The following ZRANB2 variants were observed in gnomAD, a reference collection of about 807,000 sequenced individuals.
ZRANB2 encodes zinc finger Ran-binding domain-containing protein 2.
ZRANB2 carries 19 observed loss-of-function variants against 53.4 expected under a neutral mutation model. The observed-to-expected ratio is 0.36, with a 90% CI of 0.25 to 0.52. ZRANB2 has a LOEUF of 0.52. ZRANB2 is among the 20% of genes least tolerant of loss of function. ZRANB2 has a pLI of 0.93. For synonymous variants in ZRANB2, 145 were observed against 134.8 expected (o/e 1.08, Z -0.52); for missense variants, 309 against 401.1 (o/e 0.77, Z 1.96).
chr1:71,080,737 G>A (rs915132518), intron 1 of ZRANB2, among the ~76,000 whole-genome samples: 1 of 152,194 alleles, frequency 6.6e-6, no homozygotes. Flanking sequence ...AGGAAACGCT[G>A]AAGACATATC....
chr1:71,079,163 T>G (rs1027282961), intron 1 of ZRANB2, among the ~76,000 whole-genome samples: 3 of 151,052 alleles, frequency 2.0e-5, no homozygotes, highest in African/African-American at 5.0e-5. Context: ...ATGCAGTAGG[T>G]AGGATGCTAA....
chr1:71,069,304 G>C lies in ZRANB2; in HGVS notation c.742C>G (p.Arg248Gly). 6.2e-7 allele frequency: 1 copy of C among 1,612,344 alleles called. No individual in the cohort carries two copies. The change falls in exon 8 of 10, where the codon CGT becomes GGT. Residue 248 changes from arginine to glycine, a missense_variant. Physicochemically the swap from Arg to Gly is moderately radical, Grantham distance 125. Transcript: ENST00000370920. ...GATTTCGACCCACGAGATCTCGAAC[G>C]TTCTCTGGAACTGGAACGAGATCTT... is the stretch of plus-strand genomic sequence containing the variant. ...QSRSRSSSRE[R>G]SRSRGSKSRS... is the part of the protein sequence containing the mutation.
At chr1:71,078,862 T>TG (rs1661770050) in intron 1 of ZRANB2, among the ~76,000 whole-genome samples, 154 bp from the exon 2 acceptor site, 1 of 152,188 alleles carries the variant, frequency 6.6e-6, no homozygotes, top group African/African-American at 2.4e-5. Context: ...CACAATTTAC[T>TG]GGGGGAAAAA....
intron 9 of ZRANB2, among the ~76,000 whole-genome samples, chr1:71,065,404 A>G (rs936622965): frequency 1.3e-5 from 2 of 152,098 alleles, no homozygotes; most frequent in African/African-American, 4.8e-5. Flanking sequence ...ATTATTTAAG[A>G]TATCAAAGAA....
chr1:71,075,040 A>G (rs756979427), intron 4 of ZRANB2, among the ~76,000 whole-genome samples: 1 of 152,234 alleles, frequency 6.6e-6, no homozygotes. Flanking sequence ...CTGTTAAACT[A>G]TAGTTCTTGT....
chr1:71,074,203 T>C (rs1661657122), intron 4 of ZRANB2, among the ~76,000 whole-genome samples: 1 of 152,078 alleles, frequency 6.6e-6, no homozygotes, highest in African/African-American at 2.4e-5. Context: ...CTCACCTAGG[T>C]ATCCCCAGCA....
rs903610604 is a variant in ZRANB2, at chr1:71,063,440, T to C, written c.*1634A>G. ...CCAAATGAAATCATAATCATCAGAATTGTCTGTAAACTACTATTAGCTAAA... is the reference window on the plus strand; with the variant it reads ...CCAAATGAAATCATAATCATCAGAACTGTCTGTAAACTACTATTAGCTAAA... On this transcript the variant is annotated 3_prime_UTR_variant, in exon 10 of 10. Coordinates refer to ENST00000370920, the MANE Select transcript of ZRANB2 (RefSeq NM_203350.3). 1.3e-5 allele frequency: 2 copies of C among 152,444 alleles called. No individual in the cohort carries two copies. The highest frequency in any genetic ancestry group is 1.9e-4 in the East Asian group (1 of 5,196). The allele number at this position is 152,444 out of a possible 1,614,324, so 9.4% of individuals were successfully genotyped here.
At chr1:71,069,910 C>A (rs1661558558) in intron 7 of ZRANB2, among the ~76,000 whole-genome samples, 1 of 152,048 alleles carries the variant, frequency 6.6e-6, no homozygotes, top group African/African-American at 2.4e-5. Context: ...ACAAGGGAGA[C>A]ATGGTTCGTA....
chr1:71,071,146 ACT>A, intron 6 of ZRANB2, 150 bp from the exon 7 acceptor site: 1 of 637,214 alleles, frequency 1.6e-6, no homozygotes, highest in South Asian at 4.1e-5. Context: ...CACCTACTAA[ACT>A]CATCTCAAAT....
intron 9 of ZRANB2, chr1:71,065,798 C>T (rs758231234): frequency 6.2e-7 from 1 of 1,606,912 alleles, no homozygotes; most frequent in Non-Finnish European, 8.5e-7. Flanking sequence ...TGACAACAAA[C>T]TAGGGGGATT....
Position 71,066,797 on chromosome 1 carries a change from G to C in ZRANB2, c.908C>G (p.Thr303Arg). ...SSSGDRKKRR[T>R]RSRSPERRHR... ...AAACCTTTCGGGTGACCGTGATCTT[G>C]TTCGTCTTTTTTTGCGATCACCAGA... The change falls in exon 9 of 10, where the codon ACA becomes AGA. Residue 303 changes from threonine to arginine, a missense_variant. Thr to Arg is a moderately conservative substitution (Grantham distance 71, BLOSUM62 -1). This residue lies in a region of ZRANB2 where 211 missense variants were observed against 196.1 expected (regional missense o/e 1.08). Transcript: ENST00000370920. 1 of 1,612,118 alleles carries C rather than the reference G, an allele frequency of 6.2e-7. No individual in the cohort carries two copies. Among genetic ancestry groups the C allele is most frequent in the Non-Finnish European group, 8.5e-7 (1 of 1,179,346 alleles).
At chr1:71,065,802 G>A (rs1217336151) in intron 9 of ZRANB2, 1 of 1,606,366 alleles carries the variant, frequency 6.2e-7, no homozygotes. Context: ...AACAAACTAG[G>A]GGGATTATAT....
chr1:71,077,596 G>A (rs1661736111), intron 3 of ZRANB2, among the ~76,000 whole-genome samples: 1 of 152,262 alleles, frequency 6.6e-6, no homozygotes, highest in Non-Finnish European at 1.5e-5. Flanking sequence ...TGCCTCGCCT[G>A]TAATCCCAGC....
At position 71,063,727 on chromosome 1, in the gene ZRANB2, A is replaced by G. The variant is rs1661356982; in HGVS notation, c.*1347T>C. On this transcript the variant is annotated 3_prime_UTR_variant, in exon 10 of 10. Coordinates refer to ENST00000370920, the MANE Select transcript of ZRANB2 (RefSeq NM_203350.3). ...TTTCTACATAAGATATCTTGCTTTC[A>G]TTTTTAGATCAGCTGAAGAGAAAAA... 6.6e-6 allele frequency: 1 copy of G among 152,422 alleles called. No homozygotes were observed. The allele number at this position is 152,422 out of a possible 1,614,324, so 9.4% of individuals were successfully genotyped here. A position where few individuals can be genotyped will look rare whatever the true frequency, so the allele number is the denominator to read the frequency against.
At chr1:71,078,327 A>G (rs1011007918) in intron 3 of ZRANB2, 130 bp downstream of exon 3, 2 of 727,050 alleles carry the variant, frequency 2.8e-6, no homozygotes, top group African/African-American at 3.6e-5. Context: ...ATGAGACTGA[A>G]TAACAATACC....
At chr1:71,073,348 G>C (rs1269626949) in intron 4 of ZRANB2, among the ~76,000 whole-genome samples, 1 of 151,970 alleles carries the variant, frequency 6.6e-6, no homozygotes, top group African/African-American at 2.4e-5. Flanking sequence ...TGTTGATCAA[G>C]AGTAATACAA....
chr1:71,065,033 T>G lies in ZRANB2; in HGVS notation c.*41A>C. The G allele has an allele frequency of 7.0e-7, 1 of 1,438,824 alleles. No individual in the cohort carries two copies. 89.1% of individuals were successfully genotyped at this position (1,438,824 alleles called of 1,614,324 possible). A position where few individuals can be genotyped will look rare whatever the true frequency, so the allele number is the denominator to read the frequency against. ...CCAACTTCTTTAAAAATATGCTTCA[T>G]GCACTGTACTGGATTTTTTTAAGAT... On this transcript the variant is annotated 3_prime_UTR_variant, in exon 10 of 10. Coordinates refer to ENST00000370920, the MANE Select transcript of ZRANB2 (RefSeq NM_203350.3).
intron 5 of ZRANB2, 43 bp from the exon 6 acceptor site, chr1:71,072,298 A>T: frequency 1.9e-6 from 3 of 1,540,548 alleles, no homozygotes; most frequent in Non-Finnish European, 2.6e-6. Flanking sequence ...CTGATAATGC[A>T]TTAAACTTAA....
intron 4 of ZRANB2, among the ~76,000 whole-genome samples, chr1:71,076,137 C>A (rs760866617): frequency 2.0e-5 from 3 of 152,072 alleles, no homozygotes; most frequent in Non-Finnish European, 4.4e-5. Context: ...AAGACAAAAT[C>A]AGATTTTAAG....
Sources: gnomAD v4.1 joint callset for allele counts (sites outside exome capture counted in the v4.1 genomes callset) on GRCh38, gnomAD v4.1.1 for gene constraint, gnomAD v4.1.1 regional missense constraint, MANE v1.5 for transcripts, NCBI Gene and HGNC (gene_info 2026-07-23, HGNC 2026-07-21) for gene names.